Variants in POLDIP3 observed in about 807,000 individuals in gnomAD.
POLDIP3 encodes DNA polymerase delta interacting protein 3, also known as polymerase delta-interacting protein 3.
In POLDIP3, 14 loss-of-function variants were observed where a neutral mutation model predicts 45.1. The ratio of observed to expected loss-of-function variants is 0.31; its 90% CI spans 0.20 to 0.49. POLDIP3 has a LOEUF of 0.49. Ranked by LOEUF, POLDIP3 falls within the 20% of genes least tolerant of loss-of-function variation. The pLI is 0.99. For synonymous variants in POLDIP3, 223 were observed against 205.2 expected, an observed-to-expected ratio of 1.09 and a Z score of -0.74; for missense variants, 511 against 538.8, an observed-to-expected ratio of 0.95 and a Z score of 0.51.
chr22:42,595,431 G>C (rs1489017752), intron 6 of POLDIP3, 106 bp downstream of exon 6: 1 of 964,748 alleles, frequency 1.0e-6, no homozygotes, highest in Non-Finnish European at 1.7e-6. Flanking sequence ...ACTATATGCT[G>C]AGTCTGGTGA....
intron 1 of POLDIP3, among the ~76,000 whole-genome samples, chr22:42,607,636 CG>C (rs1926828084): frequency 6.6e-6 from 1 of 151,668 alleles, no homozygotes; most frequent in Non-Finnish European, 1.5e-5. Context: ...CGCCTCTTCC[CG>C]GCCGCCATCC....
intron 1 of POLDIP3, chr22:42,603,639 A>G (rs73888342): frequency 0.11 from 16,764 of 158,056 alleles, 1,912 homozygotes; most frequent in East Asian, 0.69. Context: ...GAGAGGCTCA[A>G]TGATTAACAA....
chr22:42,597,076 C>G (rs1926039219), intron 4 of POLDIP3, among the ~76,000 whole-genome samples: 1 of 152,280 alleles, frequency 6.6e-6, no homozygotes, highest in East Asian at 1.9e-4. Flanking sequence ...TCCAGAGGAA[C>G]CACACACAGC....
intron 3 of POLDIP3, among the ~76,000 whole-genome samples, chr22:42,601,632 G>A (rs572310218): frequency 4.7e-4 from 72 of 152,152 alleles, no homozygotes; most frequent in Non-Finnish European, 8.5e-4. Context: ...GTGGTGGTAC[G>A]CGCCTGTAGT....
At chr22:42,612,897 A>G (rs139969453) in intron 1 of POLDIP3, among the ~76,000 whole-genome samples, 3 of 152,326 alleles carry the variant, frequency 2.0e-5, no homozygotes, top group African/African-American at 7.2e-5. Flanking sequence ...CCAAGTGAGG[A>G]AACTGCCTAG....
chr22:42,586,826 T>C (rs1925342305), intron 8 of POLDIP3, among the ~76,000 whole-genome samples: 1 of 152,124 alleles, frequency 6.6e-6, no homozygotes, highest in East Asian at 1.9e-4. Context: ...ATCTAGAAGG[T>C]GAAGTCCTCA....
At position 42,595,630 on chromosome 22, in the gene POLDIP3, G is replaced by C; in HGVS notation, c.814-16C>G. 1 of 1,612,142 alleles carries C rather than the reference G, an allele frequency of 6.2e-7. No homozygotes were observed. The highest frequency in any genetic ancestry group is 1.3e-5 in the African/African-American group (1 of 74,998). The stretch of plus-strand genomic sequence containing the variant: ...TGAGAACAGGCTGCCACACAGACAA[G>C]AGCATTACCAGAAGCCAGATGGCTG... On this transcript the variant is annotated splice_polypyrimidine_tract_variant and intron_variant, in intron 5 of 8. Coordinates refer to ENST00000252115, the MANE Select transcript of POLDIP3 (RefSeq NM_032311.5).
At chr22:42,608,039 C>A (rs1001381070) in intron 1 of POLDIP3, among the ~76,000 whole-genome samples, 3 of 151,698 alleles carry the variant, frequency 2.0e-5, no homozygotes, top group Non-Finnish European at 4.4e-5. Context: ...TCTGCCCGGC[C>A]GCCACCCCGT....
chr22:42,587,045 C>A (rs1925353649), intron 8 of POLDIP3, among the ~76,000 whole-genome samples: 1 of 152,086 alleles, frequency 6.6e-6, no homozygotes, highest in African/African-American at 2.4e-5. Context: ...GAGTTTGAAA[C>A]CAACCTGGGC....
rs746497198 is a variant in POLDIP3 at position 42,585,750 on chromosome 22, A to G, written c.*41T>C. 2 of 1,584,794 alleles carry G rather than the reference A, an allele frequency of 1.3e-6. No individual in the cohort carries two copies. The highest frequency in any genetic ancestry group is 2.3e-5 in the South Asian group (2 of 87,144). On this transcript the variant is annotated 3_prime_UTR_variant, in exon 9 of 9. Transcript: ENST00000252115. Reference sequence around the variant, plus strand: ...AGCTTTGCCTTGGGGAAACAGAGCCACCCTCCTCTGCCCCCACTTCTGGCT... The same window carrying G: ...AGCTTTGCCTTGGGGAAACAGAGCCGCCCTCCTCTGCCCCCACTTCTGGCT...
intron 1 of POLDIP3, among the ~76,000 whole-genome samples, chr22:42,613,760 CAA>C (rs541621326): frequency 6.6e-6 from 1 of 151,430 alleles, no homozygotes; most frequent in African/African-American, 2.4e-5. Flanking sequence ...CACCCCGTCT[CAA>C]AAAAAACATA....
At chr22:42,593,321 T>C (rs1925783303) in intron 6 of POLDIP3, among the ~76,000 whole-genome samples, 1 of 152,216 alleles carries the variant, frequency 6.6e-6, no homozygotes, top group Non-Finnish European at 1.5e-5. Flanking sequence ...TCCAATTTTA[T>C]TACCATTGTC....
At position 42,614,870 on chromosome 22, in the gene POLDIP3, A is replaced by C; in HGVS notation, c.-13T>G. 6.2e-7 allele frequency: 1 copy of C among 1,613,386 alleles called. No homozygotes were observed. Among genetic ancestry groups the C allele is most frequent in the Non-Finnish European group, 8.5e-7 (1 of 1,179,824 alleles). ...AGATGTCCGCCATCTTGCTCCGCCG[A>C]GCAAGCCGAAAGCAGTCGAGACCCC... On this transcript the variant is annotated 5_prime_UTR_variant, in exon 1 of 9. Transcript: ENST00000252115.
intron 4 of POLDIP3, among the ~76,000 whole-genome samples, chr22:42,598,251 T>A (rs75774587): frequency 3.6e-5 from 5 of 139,208 alleles, no homozygotes; most frequent in South Asian, 4.6e-4. Context: ...CCCCGGATAT[T>A]TTTTTTTTTT....
chr22:42,585,033 T>C lies in POLDIP3; in HGVS notation c.*758A>G, dbSNP rs1249531858. 2.2e-6 allele frequency: 1 copy of C among 455,440 alleles called. No individual in the cohort carries two copies. The highest frequency in any genetic ancestry group is 4.4e-6 in the Non-Finnish European group (1 of 226,718). The allele number at this position is 455,440 out of a possible 1,614,324, so 28.2% of individuals were successfully genotyped here. On this transcript the variant is annotated 3_prime_UTR_variant, in exon 9 of 9. Coordinates refer to ENST00000252115, the MANE Select transcript of POLDIP3 (RefSeq NM_032311.5). ...CGGGAGGGCTCACAACACAGCCCCC[T>C]CCCAGCAAAGACACCCAGAAGGGAA...
chr22:42,596,458 C>T, intron 4 of POLDIP3, 93 bp from the exon 5 acceptor site: 1 of 1,195,268 alleles, frequency 8.4e-7, no homozygotes, highest in Non-Finnish European at 1.2e-6. Context: ...GAGCATGAAC[C>T]CTCGATGCCT....
chr22:42,609,173 A>G (rs1926963826), intron 1 of POLDIP3, among the ~76,000 whole-genome samples: 1 of 152,164 alleles, frequency 6.6e-6, no homozygotes, highest in African/African-American at 2.4e-5. Context: ...GCTCCAGCTT[A>G]TGGCTGCAGC....
intron 3 of POLDIP3, among the ~76,000 whole-genome samples, chr22:42,600,580 C>T (rs956831473): frequency 6.0e-5 from 9 of 150,554 alleles, no homozygotes; most frequent in African/African-American, 1.7e-4. Context: ...GAGCCGAGAT[C>T]GTGCCACTGC....
chr22:42,598,086 GTT>G (rs1926108386), intron 4 of POLDIP3, among the ~76,000 whole-genome samples: 1 of 141,230 alleles, frequency 7.1e-6, no homozygotes, highest in Non-Finnish European at 1.6e-5. Flanking sequence ...CCAGCTTCAT[GTT>G]TCTTTTTTTT....
Sources: allele counts gnomAD v4.1 joint callset (sites outside exome capture counted in the v4.1 genomes callset), GRCh38; gene constraint gnomAD v4.1.1; transcripts MANE v1.5; gene names NCBI Gene and HGNC (gene_info 2026-07-23, HGNC 2026-07-21).